Variants in SLC35D4 observed in about 807,000 individuals in gnomAD.
SLC35D4 encodes the protein UDP-N-acetylglucosamine transporter SLC35D4.
At chr18:23,248,592 C>G in the SLC35D4 span, among the ~76,000 whole-genome samples, 1 of 145,202 alleles carries the variant, frequency 6.9e-6, no homozygotes, top group Non-Finnish European at 1.5e-5. Flanking sequence ...CTTTGGGAGG[C>G]CGAGGCGGGT....
the SLC35D4 span, among the ~76,000 whole-genome samples, chr18:23,272,802 T>G: frequency 6.6e-6 from 1 of 152,182 alleles, no homozygotes; most frequent in African/African-American, 2.4e-5. Flanking sequence ...TATAGAAACT[T>G]CCCAATTCCT....
chr18:23,353,650 A>C, the SLC35D4 span, among the ~76,000 whole-genome samples: 1 of 152,292 alleles, frequency 6.6e-6, no homozygotes, highest in South Asian at 2.1e-4. Flanking sequence ...AGTTTGTTCC[A>C]ATTTGCATCA....
the SLC35D4 span, among the ~76,000 whole-genome samples, chr18:23,295,010 C>T: frequency 1.3e-5 from 2 of 152,072 alleles, no homozygotes; most frequent in East Asian, 3.9e-4. Context: ...TAAAATGACA[C>T]TTGGACAGAT....
chr18:23,361,179 G>T, the SLC35D4 span, among the ~76,000 whole-genome samples: 1 of 150,520 alleles, frequency 6.6e-6, no homozygotes, highest in South Asian at 2.1e-4. Flanking sequence ...AAAGAATTGA[G>T]CCCTGCTGTA....
At chr18:23,257,399 CT>C in the SLC35D4 span, 1 of 1,556,610 alleles carries the variant, frequency 6.4e-7, no homozygotes, top group Admixed American at 2.2e-5. Flanking sequence ...AGGGCCATTT[CT>C]TCTCAGCTTG....
chr18:23,310,143 C>T, the SLC35D4 span: 1 of 893,996 alleles, frequency 1.1e-6, no homozygotes, highest in Admixed American at 6.2e-5. Context: ...TGCTCATTAA[C>T]CTGTTCTCGG....
chr18:23,362,250 C>T, the SLC35D4 span, among the ~76,000 whole-genome samples: 2 of 152,188 alleles, frequency 1.3e-5, no homozygotes. Flanking sequence ...CAGCTCCAGA[C>T]CAAAATTTAG....
At chr18:23,270,008 G>A in the SLC35D4 span, among the ~76,000 whole-genome samples, 6 of 152,208 alleles carry the variant, frequency 3.9e-5, no homozygotes, top group Non-Finnish European at 7.3e-5. Flanking sequence ...AAATAACAAG[G>A]AGGCAAATGT....
At chr18:23,258,951 A>T in the SLC35D4 span, 2 of 151,736 alleles carry the variant, frequency 1.3e-5, no homozygotes, top group Admixed American at 1.3e-4. Flanking sequence ...TATTTTGCTA[A>T]CAAATTTCCT....
chr18:23,437,921 C>CGCAGCAGCAGCAGCG, the SLC35D4 span: 61 of 1,526,318 alleles, frequency 4.0e-5, no homozygotes, highest in Non-Finnish European at 4.5e-5. Flanking sequence ...GCCCGACCCC[C>CGCAGCAGCAGCAGCG]GCAGCAGCAG....
the SLC35D4 span, among the ~76,000 whole-genome samples, chr18:23,404,931 A>T: frequency 7.5e-6 from 1 of 132,568 alleles, no homozygotes; most frequent in African/African-American, 2.8e-5. Flanking sequence ...GGTTGCAGTG[A>T]GCTGAGATGG....
the SLC35D4 span, among the ~76,000 whole-genome samples, chr18:23,275,082 G>A: frequency 4.0e-5 from 6 of 150,130 alleles, no homozygotes; most frequent in African/African-American, 1.5e-4. Context: ...GTGTGTGTGT[G>A]CTTGTGTGCG....
At chr18:23,377,152 A>C in the SLC35D4 span, among the ~76,000 whole-genome samples, 2 of 152,190 alleles carry the variant, frequency 1.3e-5, no homozygotes, top group African/African-American at 4.8e-5. Context: ...TCTGCATGAC[A>C]GGACGGCCCA....
the SLC35D4 span, among the ~76,000 whole-genome samples, chr18:23,246,613 G>T: frequency 2.2e-3 from 329 of 151,802 alleles, 2 homozygotes; most frequent in African/African-American, 5.0e-3. Context: ...GGATGGTCTC[G>T]ATCTCCTGAC....
At chr18:23,242,678 C>T in the SLC35D4 span, among the ~76,000 whole-genome samples, 1 of 151,798 alleles carries the variant, frequency 6.6e-6, no homozygotes, top group East Asian at 1.9e-4. Context: ...ATCCCTCTTG[C>T]ACTGTGTTCA....
the SLC35D4 span, among the ~76,000 whole-genome samples, chr18:23,349,003 T>G: frequency 6.6e-6 from 1 of 152,240 alleles, no homozygotes; most frequent in South Asian, 2.1e-4. Flanking sequence ...CCACTTGCCT[T>G]CTGGCCTCCA....
chr18:23,374,485 C>CT, the SLC35D4 span, among the ~76,000 whole-genome samples: 721 of 139,368 alleles, frequency 5.2e-3, 4 homozygotes, highest in African/African-American at 0.014. Context: ...GATATGACAT[C>CT]TTTTTTTTTT....
the SLC35D4 span, among the ~76,000 whole-genome samples, chr18:23,432,979 CAAAAAAA>C: frequency 1.0e-5 from 1 of 98,362 alleles, no homozygotes; most frequent in Non-Finnish European, 2.1e-5. Context: ...GACTCTGTCT[CAAAAAAA>C]AAAAAAAAAA....
At chr18:23,346,031 G>C in the SLC35D4 span, among the ~76,000 whole-genome samples, 1 of 151,994 alleles carries the variant, frequency 6.6e-6, no homozygotes, top group Non-Finnish European at 1.5e-5. Flanking sequence ...AGCACCTTGG[G>C]AGGCTGAGAT....
Sources: allele counts gnomAD v4.1 joint callset (sites outside exome capture counted in the v4.1 genomes callset), GRCh38; gene constraint gnomAD v4.1.1; transcripts MANE v1.5; gene names NCBI Gene and HGNC (gene_info 2026-07-23, HGNC 2026-07-21).